LRRC2: variants seen among roughly 807,000 people sequenced by gnomAD.
LRRC2 encodes leucine-rich repeat-containing protein 2.
In LRRC2, 27 loss-of-function variants were observed where a neutral mutation model predicts 40.2. The ratio of observed to expected loss-of-function variants is 0.67; its 90% CI spans 0.49 to 0.93. The LOEUF is 0.93. Among genes scored for constraint, LRRC2 ranks in the 40% least tolerant of loss-of-function variants. The pLI, the probability that LRRC2 is intolerant of heterozygous loss-of-function variation, is 0.00. For synonymous variants in LRRC2, 147 were observed against 158.9 expected, an observed-to-expected ratio of 0.92 and a Z score of 0.56; for missense variants, 402 against 439.6, an observed-to-expected ratio of 0.91 and a Z score of 0.76.
Position 46,545,253 on chromosome 3 carries a change from C to T in LRRC2, c.126G>A (p.Lys42=). ...CCACAAAGTTCCACTCCTCCTTTAT[C>T]CTAAAACAGGCAGCAGGGGTCACAG... The part of the protein sequence containing the change: ...VERLEKSALE[K]IKEEWNFVAE... The change falls in exon 3 of 9, where the codon AAG becomes AAA. Residue 42 remains lysine, a splice_region_variant and synonymous_variant. Transcript: ENST00000395905. The T allele has an allele frequency of 6.2e-7, 1 of 1,613,864 alleles. No individual in the cohort carries two copies. The highest frequency in any genetic ancestry group is 1.3e-5 in the African/African-American group (1 of 75,026).
At position 46,539,027 on chromosome 3, in the gene LRRC2, C is replaced by T. The variant is rs1403235159; in HGVS notation, c.490+18G>A. 1 of 1,612,042 alleles carries T rather than the reference C, an allele frequency of 6.2e-7. No individual in the cohort carries two copies. The highest frequency in any genetic ancestry group is 2.2e-5 in the East Asian group (1 of 44,860). ...TTAACACACCAGAGGCCCGAAGACCCCTGCTAAGTTGACATACCGATTTCT... is the reference window on the plus strand; with the variant it reads ...TTAACACACCAGAGGCCCGAAGACCTCTGCTAAGTTGACATACCGATTTCT... On this transcript the variant is annotated intron_variant, in intron 4 of 8. Coordinates refer to ENST00000395905, the MANE Select transcript of LRRC2 (RefSeq NM_024512.5).
At chr3:46,565,741 G>GA (rs545994167) in intron 1 of LRRC2, among the ~76,000 whole-genome samples, 85 of 152,334 alleles carry the variant, frequency 5.6e-4, no homozygotes, top group Non-Finnish European at 1.1e-3. Context: ...GACGCTGGAA[G>GA]AAAAGACTTC....
intron 7 of LRRC2, among the ~76,000 whole-genome samples, chr3:46,526,654 G>C (rs765882507): frequency 1.3e-5 from 2 of 152,262 alleles, no homozygotes; most frequent in Non-Finnish European, 2.9e-5. Flanking sequence ...AGGAAGACAA[G>C]ATTGAACTCT....
At chr3:46,538,144 T>C (rs1326278883) in intron 4 of LRRC2, among the ~76,000 whole-genome samples, 2 of 152,330 alleles carry the variant, frequency 1.3e-5, no homozygotes, top group Admixed American at 6.5e-5. Flanking sequence ...CACAGGGTCT[T>C]GGCTTCTGGT....
At chr3:46,545,857 C>T (rs1371646127) in intron 2 of LRRC2, among the ~76,000 whole-genome samples, 1 of 152,242 alleles carries the variant, frequency 6.6e-6, no homozygotes, top group Non-Finnish European at 1.5e-5. Context: ...TCTCACAGCC[C>T]TTCAGATGCC....
Position 46,545,004 on chromosome 3 carries a change from T to C in LRRC2, c.333+42A>G, listed in dbSNP as rs148410251. 2.4e-4 allele frequency: 384 copies of C among 1,575,088 alleles called. No individual in the cohort carries two copies. The highest frequency in any genetic ancestry group is 3.1e-4 in the Non-Finnish European group (355 of 1,146,354). ...CTTGGGCTCAGGCGAGCAGCAGTCA[T>C]CGACCACAGCACTGCATTGGGCGAG... On this transcript the variant is annotated intron_variant, in intron 3 of 8. Transcript: ENST00000395905.
At chr3:46,529,778 A>G in intron 6 of LRRC2, 127 bp downstream of exon 6, 1 of 1,011,290 alleles carries the variant, frequency 9.9e-7, no homozygotes, top group Non-Finnish European at 1.4e-6. Context: ...GATTTCCTGG[A>G]AAGGAAACTC....
chr3:46,533,118 G>T (rs1040716056), intron 4 of LRRC2, among the ~76,000 whole-genome samples: 4 of 152,198 alleles, frequency 2.6e-5, no homozygotes, highest in Non-Finnish European at 5.9e-5. Context: ...GAGTTTTTCA[G>T]TGTGATAAGC....
In LRRC2 at chr3:46,532,931, A is replaced by G. The variant is rs758565920; in HGVS notation, c.491-22T>C. ...CAACCTGTCAGCAGAAAAAGTTAACATCCATTGAATAGGTCGTTTAAGGTC... is the reference window on the plus strand; with the variant it reads ...CAACCTGTCAGCAGAAAAAGTTAACGTCCATTGAATAGGTCGTTTAAGGTC... On this transcript the variant is annotated intron_variant, in intron 4 of 8. Coordinates refer to ENST00000395905, the MANE Select transcript of LRRC2 (RefSeq NM_024512.5). 4 of 1,611,198 alleles carry G rather than the reference A, an allele frequency of 2.5e-6. No individual in the cohort carries two copies. The East Asian group carries it at 6.7e-5, about 27-fold the overall frequency.
chr3:46,534,419 CCTTCCTTT>C (rs753660956), intron 4 of LRRC2, among the ~76,000 whole-genome samples: 6,466 of 110,846 alleles, frequency 0.058, 164 homozygotes, highest in South Asian at 0.075. Flanking sequence ...TCTTTTCCTT[CCTTCCTTT>C]CTTTCTTTCT....
chr3:46,562,270 A>G (rs1704960412), intron 1 of LRRC2, among the ~76,000 whole-genome samples: 1 of 152,150 alleles, frequency 6.6e-6, no homozygotes, highest in African/African-American at 2.4e-5. Context: ...CCTCCTGTCA[A>G]CAGCCATGAG....
At chr3:46,552,402 A>C (rs56954180) in intron 1 of LRRC2, among the ~76,000 whole-genome samples, 34,377 of 151,046 alleles carry the variant, frequency 0.23, 3,938 homozygotes, top group South Asian at 0.29. Context: ...AAAAGCTCAC[A>C]TAGGCGGTGT....
intron 1 of LRRC2, among the ~76,000 whole-genome samples, chr3:46,565,464 CT>C (rs1705037989): frequency 6.6e-6 from 1 of 152,232 alleles, no homozygotes; most frequent in Non-Finnish European, 1.5e-5. Context: ...CTAAGAATCC[CT>C]GTCACCAATT....
chr3:46,538,504 C>T (rs992366630), intron 4 of LRRC2, among the ~76,000 whole-genome samples: 1 of 151,762 alleles, frequency 6.6e-6, no homozygotes, highest in Non-Finnish European at 1.5e-5. Flanking sequence ...GCTGGTGGCA[C>T]GTGACTGTAA....
chr3:46,539,271 AT>A lies in LRRC2; in HGVS notation c.334-71del. 14 of 1,453,524 alleles carry A rather than the reference AT, an allele frequency of 9.6e-6. No homozygotes were observed. The South Asian group carries it at 1.7e-4, about 18-fold the overall frequency. The allele number at this position is 1,453,524 out of a possible 1,614,324, so 90.0% of individuals were successfully genotyped here. On this transcript the variant is annotated intron_variant, in intron 3 of 8. Transcript: ENST00000395905. ...TGCACAAAGCCGTGTAAAACCAAGCATTTATTTTAAAACAGGAAGTGAGAAA... is the reference window on the plus strand; with the variant it reads ...TGCACAAAGCCGTGTAAAACCAAGCATTATTTTAAAACAGGAAGTGAGAAA...
intron 7 of LRRC2, 89 bp downstream of exon 7, chr3:46,527,337 C>A: frequency 7.3e-7 from 1 of 1,365,992 alleles, no homozygotes; most frequent in Admixed American, 1.9e-5. Flanking sequence ...GCCATCTAAT[C>A]CGGGTCTTGA....
At chr3:46,522,758 C>A (rs1474549363) in intron 7 of LRRC2, among the ~76,000 whole-genome samples, 3 of 124,738 alleles carry the variant, frequency 2.4e-5, no homozygotes, top group African/African-American at 3.3e-5. Context: ...TGAACTACTG[C>A]TAACACACAC....
intron 5 of LRRC2, 69 bp downstream of exon 5, chr3:46,532,704 T>A: frequency 6.7e-7 from 1 of 1,487,322 alleles, no homozygotes; most frequent in Non-Finnish European, 9.2e-7. Context: ...CTTCTTGCCA[T>A]ATTATAGACC....
intron 1 of LRRC2, among the ~76,000 whole-genome samples, chr3:46,556,703 C>T (rs1173197578): frequency 2.0e-5 from 3 of 151,500 alleles, no homozygotes; most frequent in Admixed American, 2.0e-4. Context: ...CTCAGCCTCC[C>T]GAGTAGCTGG....
Sources: allele counts gnomAD v4.1 joint callset (sites outside exome capture counted in the v4.1 genomes callset), GRCh38; gene constraint gnomAD v4.1.1; transcripts MANE v1.5; gene names NCBI Gene and HGNC (gene_info 2026-07-23, HGNC 2026-07-21).